Variants in CABCOCO1 observed in about 807,000 individuals in gnomAD.
CABCOCO1 encodes ciliary associated calcium binding coiled-coil 1.
In CABCOCO1, 28 loss-of-function variants were observed where a neutral mutation model predicts 35.7. The observed-to-expected ratio is 0.78, with a 90% CI of 0.58 to 1.07. The LOEUF (loss-of-function observed/expected upper bound fraction) is 1.07, where lower values mean the gene tolerates loss of function less well. Ranked by LOEUF, CABCOCO1 falls within the 50% of genes least tolerant of loss-of-function variation. The probability of loss-of-function intolerance (pLI) is 0.00; values close to 1 mark genes in which losing one functional copy is unlikely to be tolerated. For synonymous variants in CABCOCO1, 95 were observed against 100.1 expected, an observed-to-expected ratio of 0.95 and a Z score of 0.30; for missense variants, 326 against 309.2, an observed-to-expected ratio of 1.05 and a Z score of -0.41.
intron 5 of CABCOCO1, among the ~76,000 whole-genome samples, chr10:61,697,017 C>T (rs1840314277): frequency 6.6e-6 from 1 of 151,936 alleles, no homozygotes. Flanking sequence ...GGATTAATAC[C>T]TTGTTAATGA....
At chr10:61,739,598 G>T (rs1450499451) in intron 5 of CABCOCO1, among the ~76,000 whole-genome samples, 1 of 151,804 alleles carries the variant, frequency 6.6e-6, no homozygotes, top group Non-Finnish European at 1.5e-5. Flanking sequence ...TTAGGAAATT[G>T]CTAAGTTTTT....
chr10:61,721,905 T>C, intron 5 of CABCOCO1, among the ~76,000 whole-genome samples: 1 of 152,144 alleles, frequency 6.6e-6, no homozygotes, highest in East Asian at 1.9e-4. Context: ...AACGTAATTA[T>C]GCAGACAATG....
chr10:61,750,765 C>A (rs1157637465), intron 5 of CABCOCO1, among the ~76,000 whole-genome samples: 1 of 152,140 alleles, frequency 6.6e-6, no homozygotes, highest in African/African-American at 2.4e-5. Flanking sequence ...AATATTTAAA[C>A]TGACTTGTAG....
At chr10:61,702,658 A>T (rs1311133670) in intron 5 of CABCOCO1, among the ~76,000 whole-genome samples, 1 of 152,130 alleles carries the variant, frequency 6.6e-6, no homozygotes, top group East Asian at 1.9e-4. Context: ...ATTGGGCCAC[A>T]TACCAATGTT....
intron 5 of CABCOCO1, among the ~76,000 whole-genome samples, chr10:61,727,374 T>C (rs1319117780): frequency 6.6e-6 from 1 of 152,186 alleles, no homozygotes; most frequent in Non-Finnish European, 1.5e-5. Flanking sequence ...ATCTCAAGAA[T>C]AGTTTTACAT....
intron 2 of CABCOCO1, among the ~76,000 whole-genome samples, chr10:61,679,008 T>A (rs73287769): frequency 0.033 from 4,984 of 152,238 alleles, 296 homozygotes; most frequent in African/African-American, 0.11. Flanking sequence ...CTGTATTTAT[T>A]AATCTGATTA....
chr10:61,668,373 C>G (rs1219918508), intron 1 of CABCOCO1, among the ~76,000 whole-genome samples: 2 of 151,996 alleles, frequency 1.3e-5, no homozygotes, highest in East Asian at 3.9e-4. Context: ...AATGAACTCT[C>G]TATAGTCTGT....
intron 5 of CABCOCO1, among the ~76,000 whole-genome samples, chr10:61,721,365 A>G (rs904577215): frequency 1.3e-5 from 2 of 152,168 alleles, no homozygotes; most frequent in Non-Finnish European, 2.9e-5. Context: ...GTGCTTCTCC[A>G]TCACGTAATC....
intron 5 of CABCOCO1, among the ~76,000 whole-genome samples, chr10:61,754,038 A>G (rs1841847577): frequency 6.6e-6 from 1 of 152,168 alleles, no homozygotes; most frequent in African/African-American, 2.4e-5. Context: ...GATCCTTTCA[A>G]TAATAACAGT....
chr10:61,680,695 T>C (rs1488267197), intron 2 of CABCOCO1, among the ~76,000 whole-genome samples: 1 of 49,334 alleles, frequency 2.0e-5, no homozygotes, highest in Non-Finnish European at 3.3e-5. Flanking sequence ...ATGTATAACA[T>C]ATATATGTTA....
intron 5 of CABCOCO1, among the ~76,000 whole-genome samples, chr10:61,693,330 G>T (rs1392736470): frequency 1.3e-5 from 2 of 152,094 alleles, no homozygotes; most frequent in Admixed American, 6.6e-5. Flanking sequence ...GTAGGGGCCT[G>T]CCCCAGCAAT....
chr10:61,765,624 A>G (rs1451111470), intron 7 of CABCOCO1, among the ~76,000 whole-genome samples: 1 of 152,232 alleles, frequency 6.6e-6, no homozygotes, highest in Non-Finnish European at 1.5e-5. Context: ...ATTCTGATTC[A>G]GTGCTTATTG....
chr10:61,667,111 T>C (rs1457959280), intron 1 of CABCOCO1, among the ~76,000 whole-genome samples: 2 of 143,826 alleles, frequency 1.4e-5, no homozygotes, highest in Non-Finnish European at 3.0e-5. Flanking sequence ...TATATAAATA[T>C]AATTATATAT....
intron 4 of CABCOCO1, among the ~76,000 whole-genome samples, chr10:61,686,758 A>T (rs1484975784): frequency 6.6e-6 from 1 of 152,190 alleles, no homozygotes; most frequent in African/African-American, 2.4e-5. Flanking sequence ...TACTACTTAG[A>T]AAATAATGGT....
At chr10:61,720,906 T>C (rs566266840) in intron 5 of CABCOCO1, among the ~76,000 whole-genome samples, 14 of 134,226 alleles carry the variant, frequency 1.0e-4, no homozygotes, top group African/African-American at 3.4e-4. Context: ...TTTTCTTCTT[T>C]TCTTTTCATT....
intron 5 of CABCOCO1, 69 bp from the exon 6 acceptor site, chr10:61,759,990 C>T (rs1046011729): frequency 1.0e-5 from 16 of 1,577,312 alleles, no homozygotes; most frequent in South Asian, 2.3e-5. Flanking sequence ...ACATATATAA[C>T]GGAACTGACC....
chr10:61,666,119 A>T (rs1224250114), intron 1 of CABCOCO1, among the ~76,000 whole-genome samples: 2 of 152,174 alleles, frequency 1.3e-5, no homozygotes, highest in African/African-American at 4.8e-5. Context: ...GGGTAAGATG[A>T]TGTAACCTGT....
chr10:61,738,946 T>C (rs1371005929), intron 5 of CABCOCO1, among the ~76,000 whole-genome samples: 1 of 152,236 alleles, frequency 6.6e-6, no homozygotes, highest in Non-Finnish European at 1.5e-5. Context: ...TTGTTGTTTA[T>C]ATGCAAATGG....
intron 5 of CABCOCO1, among the ~76,000 whole-genome samples, chr10:61,727,578 C>G (rs929085924): frequency 6.6e-6 from 1 of 152,038 alleles, no homozygotes; most frequent in Admixed American, 6.5e-5. Context: ...ATAGCAGAAA[C>G]TTGGTTAAGA....
Sources: allele counts gnomAD v4.1 joint callset (sites outside exome capture counted in the v4.1 genomes callset), GRCh38; gene constraint gnomAD v4.1.1; transcripts MANE v1.5; gene names NCBI Gene and HGNC (gene_info 2026-07-23, HGNC 2026-07-21).